TPTE2: variants seen among roughly 807,000 people sequenced by gnomAD.
TPTE2 encodes the protein transmembrane phosphoinositide 3-phosphatase and tensin homolog 2, also known as phosphatidylinositol 3,4,5-trisphosphate 3-phosphatase TPTE2.
In TPTE2, 53 loss-of-function variants were observed where a neutral mutation model predicts 78.6. That is an observed-to-expected ratio of 0.67 (90% CI 0.54 to 0.85). The LOEUF is 0.85. TPTE2 is among the 40% of genes least tolerant of loss of function. The pLI is 0.00. For missense variants in TPTE2, 461 were observed against 623.0 expected (o/e 0.74, Z 2.77); for synonymous variants, 175 against 206.2 (o/e 0.85, Z 1.30).
At chr13:19,454,768 C>G (rs1450678226) in intron 10 of TPTE2, among the ~76,000 whole-genome samples, 1 of 152,160 alleles carries the variant, frequency 6.6e-6, no homozygotes, top group Non-Finnish European at 1.5e-5. Flanking sequence ...GATTTACATG[C>G]TAAAAGTTTT....
intron 1 of TPTE2, among the ~76,000 whole-genome samples, chr13:19,510,324 G>A (rs1838470754): frequency 6.6e-6 from 1 of 152,132 alleles, no homozygotes; most frequent in African/African-American, 2.4e-5. Context: ...CAAGAAGCCT[G>A]ATGCCAACAT....
chr13:19,477,303 A>G (rs113881916), intron 4 of TPTE2, among the ~76,000 whole-genome samples: 3,725 of 152,152 alleles, frequency 0.024, 64 homozygotes, highest in Middle Eastern at 0.051. Flanking sequence ...TGTTAAAAAA[A>G]AAAAACCTCC....
exon 17 of TPTE2, chr13:19,430,501 A>C: frequency 6.2e-7 from 1 of 1,610,828 alleles, no homozygotes; most frequent in African/African-American, 1.3e-5. Context: ...TGGAAAAGAC[A>C]ACCTTTTTCT....
At chr13:19,540,180 G>T (rs1018238873), upstream of TPTE2, among the ~76,000 whole-genome samples, 1 of 151,890 alleles carries the variant, frequency 6.6e-6, no homozygotes, top group African/African-American at 2.4e-5. Flanking sequence ...TTGGAATTTT[G>T]TATGAAACTG....
At chr13:19,512,343 T>TG (rs1869505317) in intron 1 of TPTE2, among the ~76,000 whole-genome samples, 2 of 152,232 alleles carry the variant, frequency 1.3e-5, no homozygotes, top group Non-Finnish European at 2.9e-5. Context: ...CTACTTTTTG[T>TG]TAACTAACTC....
Position 19,467,353 on chromosome 13 carries a change from T to TA in TPTE2, c.393-10dup, listed in dbSNP as rs71092363. 3.7e-3 allele frequency: 4,424 copies of TA among 1,188,878 alleles called. No individual in the cohort carries two copies. Among genetic ancestry groups the TA allele is most frequent in the Middle Eastern group, 7.2e-3 (28 of 3,914 alleles). The allele number at this position is 1,188,878 out of a possible 1,614,324, so 73.6% of individuals were successfully genotyped here. A position where few individuals can be genotyped will look rare whatever the true frequency, so the allele number is the denominator to read the frequency against. On this transcript the variant is annotated splice_polypyrimidine_tract_variant and intron_variant, in intron 6 of 19. Transcript: ENST00000400230. ...AAAAATACTGCTGTCTCCTGTAATATAAAAAAAAAAAAAAAAAAGTTCATT... is the reference window on the plus strand; with the variant it reads ...AAAAATACTGCTGTCTCCTGTAATATAAAAAAAAAAAAAAAAAAAGTTCATT...
chr13:19,542,595 A>G, the TPTE2 span, among the ~76,000 whole-genome samples: 1 of 152,166 alleles, frequency 6.6e-6, no homozygotes, highest in Non-Finnish European at 1.5e-5. Flanking sequence ...TATATTGTGT[A>G]AATATTCCAT....
chr13:19,492,834 T>G lies in TPTE2; in HGVS notation c.119+16A>C. 2 of 1,613,794 alleles carry G rather than the reference T, an allele frequency of 1.2e-6. No individual in the cohort carries two copies. The highest frequency in any genetic ancestry group is 3.3e-5 in the Admixed American group (2 of 60,004). On this transcript the variant is annotated intron_variant, in intron 3 of 19. Transcript: ENST00000400230. ...ACTCTTATGCATACGTGTGTCTTCA[T>G]GTATTTATAACTCACCTTTTACTGA...
At chr13:19,524,308 GT>G (rs1870368251) in intron 1 of TPTE2, among the ~76,000 whole-genome samples, 1 of 152,240 alleles carries the variant, frequency 6.6e-6, no homozygotes, top group Admixed American at 6.5e-5. Flanking sequence ...CTTCCCTAAT[GT>G]TTTCTAACCA....
chr13:19,475,629 A>G lies in TPTE2; in HGVS notation c.180-6T>C, dbSNP rs778158322. The G allele has an allele frequency of 6.2e-7, 1 of 1,607,326 alleles. No individual in the cohort carries two copies. The highest frequency in any genetic ancestry group is 1.7e-5 in the Admixed American group (1 of 59,800). The stretch of plus-strand genomic sequence containing the variant: ...CAATTTTCTTAATCTTGCTGCTGCA[A>G]AAAGAAGTAAAAATAAAATTAACCA... On this transcript the variant is annotated splice_region_variant and splice_polypyrimidine_tract_variant and intron_variant, in intron 4 of 19. Coordinates refer to ENST00000400230, the Ensembl canonical transcript of TPTE2.
chr13:19,465,009 ACT>A (rs1377987467), intron 9 of TPTE2, among the ~76,000 whole-genome samples: 1 of 152,132 alleles, frequency 6.6e-6, no homozygotes, highest in African/African-American at 2.4e-5. Flanking sequence ...ATAAATTGAA[ACT>A]CAAATGGAGT....
chr13:19,455,617 G>A (rs370645614), intron 10 of TPTE2, among the ~76,000 whole-genome samples: 14 of 152,114 alleles, frequency 9.2e-5, no homozygotes, highest in Non-Finnish European at 1.8e-4. Flanking sequence ...GACATTTCAG[G>A]AAAGAAAACT....
At chr13:19,529,565 T>A (rs1870738219) in intron 1 of TPTE2, among the ~76,000 whole-genome samples, 1 of 152,130 alleles carries the variant, frequency 6.6e-6, no homozygotes, top group South Asian at 2.1e-4. Flanking sequence ...TAGGACAACA[T>A]TTCAAACTCC....
intron 10 of TPTE2, among the ~76,000 whole-genome samples, chr13:19,463,027 A>T (rs1190188087): frequency 6.6e-6 from 1 of 151,714 alleles, no homozygotes; most frequent in African/African-American, 2.4e-5. Flanking sequence ...TCTGCCACCC[A>T]GGCTGGAGTG....
At chr13:19,438,324 C>A in intron 13 of TPTE2, 171 bp from the exon 17 acceptor site, 1 of 985,352 alleles carries the variant, frequency 1.0e-6, no homozygotes, top group Non-Finnish European at 1.2e-6. Context: ...GCAACCTCCG[C>A]CTCACAGGTG....
At chr13:19,473,088 A>G (rs1879724416) in intron 6 of TPTE2, among the ~76,000 whole-genome samples, 1 of 152,180 alleles carries the variant, frequency 6.6e-6, no homozygotes, top group South Asian at 2.1e-4. Context: ...TGAGGCACCT[A>G]AAGCTTGGGG....
intron 10 of TPTE2, among the ~76,000 whole-genome samples, chr13:19,456,576 T>G (rs1878550637): frequency 6.6e-6 from 1 of 152,142 alleles, no homozygotes; most frequent in Non-Finnish European, 1.5e-5. Context: ...CAAAAACTTA[T>G]CAACTACATA....
chr13:19,436,234 G>A (rs1877074381), exon 15 of TPTE2: 1 of 1,611,526 alleles, frequency 6.2e-7, no homozygotes, highest in African/African-American at 1.3e-5. Context: ...ACCTGAGAAG[G>A]AGTTTCTACT....
At chr13:19,448,886 C>G (rs1019381616) in intron 13 of TPTE2, among the ~76,000 whole-genome samples, 1 of 152,162 alleles carries the variant, frequency 6.6e-6, no homozygotes, top group African/African-American at 2.4e-5. Flanking sequence ...GCTATGGAGT[C>G]AATCTAAATG....
Sources: allele counts gnomAD v4.1 joint callset (sites outside exome capture counted in the v4.1 genomes callset), GRCh38; gene constraint gnomAD v4.1.1; transcripts MANE v1.5; gene names NCBI Gene and HGNC (gene_info 2026-07-23, HGNC 2026-07-21).